Variants in MYO3A observed in about 807,000 individuals in gnomAD.
The protein encoded by MYO3A is myosin-IIIa.
MYO3A carries 180 observed loss-of-function variants against 192.7 expected under a neutral mutation model. The observed-to-expected ratio is 0.93, with a 90% CI of 0.83 to 1.06. The LOEUF (loss-of-function observed/expected upper bound fraction) is 1.06, where lower values mean the gene tolerates loss of function less well. Among genes scored for constraint, MYO3A ranks in the 50% least tolerant of loss-of-function variants. MYO3A has a pLI of 0.00. For missense variants in MYO3A, 1,896 were observed against 1,905.0 expected, an observed-to-expected ratio of 1.00 and a Z score of 0.09; for synonymous variants, 628 against 645.3, an observed-to-expected ratio of 0.97 and a Z score of 0.41.
chr10:26,101,023 G>A (rs987013587), intron 17 of MYO3A, among the ~76,000 whole-genome samples: 5 of 152,112 alleles, frequency 3.3e-5, no homozygotes, highest in Non-Finnish European at 7.4e-5. Context: ...ATTAATGTGT[G>A]GGAGTCTACG....
intron 27 of MYO3A, among the ~76,000 whole-genome samples, chr10:26,167,816 G>C (rs1208434209): frequency 6.6e-6 from 1 of 152,132 alleles, no homozygotes; most frequent in East Asian, 1.9e-4. Context: ...TTAAGTAATG[G>C]AACACTGAGA....
chr10:25,976,474 A>G (rs1248661867), intron 4 of MYO3A, among the ~76,000 whole-genome samples: 1 of 152,208 alleles, frequency 6.6e-6, no homozygotes, highest in Non-Finnish European at 1.5e-5. Context: ...GAAATTAGCA[A>G]TCATTTTTCA....
intron 6 of MYO3A, among the ~76,000 whole-genome samples, chr10:26,016,233 C>T (rs983832012): frequency 1.1e-4 from 16 of 152,174 alleles, no homozygotes; most frequent in Non-Finnish European, 1.9e-4. Flanking sequence ...TCTGTAATCT[C>T]TCTAAAGGAA....
At chr10:25,980,073 A>G (rs916635810) in intron 4 of MYO3A, among the ~76,000 whole-genome samples, 13 of 151,938 alleles carry the variant, frequency 8.6e-5, no homozygotes, top group South Asian at 2.1e-4. Context: ...CTTCTGTACT[A>G]AAAAATACAA....
chr10:26,166,146 G>T lies in MYO3A; in HGVS notation c.3079G>T (p.Gly1027Cys). The change falls in exon 27 of 35, where the codon GGT becomes TGT. Residue 1027 changes from glycine (G) to cysteine (C), a missense_variant. Coordinates refer to ENST00000642920, the MANE Select transcript of MYO3A (RefSeq NM_017433.5). ...DTCATILEKA[G>C]LDNWALGKTK... Reference sequence around the variant, plus strand: ...CTGTGCCACCATTTTGGAAAAAGCTGGTCTCGATAACTGGGCTCTTGGAAA... The same window carrying T: ...CTGTGCCACCATTTTGGAAAAAGCTTGTCTCGATAACTGGGCTCTTGGAAA... The T allele has an allele frequency of 6.2e-7, 1 of 1,613,980 alleles. No individual in the cohort carries two copies. The highest frequency in any genetic ancestry group is 1.7e-4 in the Middle Eastern group (1 of 5,916).
chr10:26,158,509 C>G (rs907346311), intron 26 of MYO3A, among the ~76,000 whole-genome samples: 4 of 152,070 alleles, frequency 2.6e-5, no homozygotes, highest in African/African-American at 9.7e-5. Context: ...CCCGTCTTGG[C>G]CTCCCAAAGT....
rs555541168 is a variant in MYO3A, at chr10:26,091,844, A to G, written c.1562+3439A>G. Among the ~76,000 whole-genome samples, 62 of 152,326 alleles carry G rather than the reference A, an allele frequency of 4.1e-4. 1 individual carries two copies. The highest frequency in any genetic ancestry group is 1.3e-3 in the African/African-American group (52 of 41,582). On this transcript the variant is annotated intron_variant, in intron 15 of 34. Transcript: ENST00000642920. ...TGTCTGACTCCCAAGCCCACCATTC[A>G]TGCATCCATCCAGCCATCCGTCTAT... is the stretch of plus-strand genomic sequence containing the variant.
At chr10:26,060,772 GA>G (rs1834416777) in intron 10 of MYO3A, among the ~76,000 whole-genome samples, 1 of 152,094 alleles carries the variant, frequency 6.6e-6, no homozygotes, top group Non-Finnish European at 1.5e-5. Context: ...AAGGTAGATG[GA>G]CTTACTCATT....
intron 7 of MYO3A, among the ~76,000 whole-genome samples, chr10:26,018,273 A>G (rs973631970): frequency 6.6e-6 from 1 of 151,966 alleles, no homozygotes. Context: ...TCAAGCTGTC[A>G]TGGAAATACA....
rs10508715 is a variant in MYO3A at position 26,211,729 on chromosome 10, A to G, written c.4731-114A>G. 0.18 allele frequency: 278,142 copies of G among 1,515,662 alleles called. 27,060 individuals carry two copies. Among genetic ancestry groups the G allele is most frequent in the East Asian group, 0.36 (15,409 of 43,338 alleles). 93.9% of individuals were successfully genotyped at this position (1,515,662 alleles called of 1,614,324 possible). A position where few individuals can be genotyped will look rare whatever the true frequency, so the allele number is the denominator to read the frequency against. ...GTCGTTTCGATTGTGCCTTTCCTAA[A>G]TGTCCGCGGTTGGCAGAACGTGGGA... On this transcript the variant is annotated intron_variant, in intron 34 of 34. Coordinates refer to ENST00000642920, the MANE Select transcript of MYO3A (RefSeq NM_017433.5).
Position 26,201,246 on chromosome 10 carries a change from G to T in MYO3A, c.4546-19G>T, listed in dbSNP as rs762046522. 11 of 1,460,134 alleles carry T rather than the reference G, an allele frequency of 7.5e-6. No individual in the cohort carries two copies. Among genetic ancestry groups the T allele is most frequent in the Admixed American group, 1.9e-5 (1 of 53,346 alleles). The allele number at this position is 1,460,134 out of a possible 1,614,324, so 90.4% of individuals were successfully genotyped here. ...GATCATAATATTATATAGATCTTTT[G>T]AATTCTTCTTTCCTTTAGAAGTCAA... On this transcript the variant is annotated intron_variant, in intron 32 of 34. Coordinates refer to ENST00000642920, the MANE Select transcript of MYO3A (RefSeq NM_017433.5).
chr10:25,937,394 T>C (rs1047669159), intron 2 of MYO3A, among the ~76,000 whole-genome samples: 3 of 152,236 alleles, frequency 2.0e-5, no homozygotes, highest in African/African-American at 7.2e-5. Flanking sequence ...CGGTTAATTA[T>C]ATGGCTCACA....
intron 10 of MYO3A, among the ~76,000 whole-genome samples, chr10:26,054,010 C>T (rs891808609): frequency 1.3e-5 from 2 of 151,904 alleles, no homozygotes; most frequent in Non-Finnish European, 2.9e-5. Context: ...CAGGAGTGAG[C>T]CAGGTGTTAG....
intron 28 of MYO3A, 54 bp downstream of exon 28, chr10:26,168,928 T>A: frequency 6.5e-7 from 1 of 1,530,394 alleles, no homozygotes; most frequent in Non-Finnish European, 9.0e-7. Flanking sequence ...TTATAATACT[T>A]CTTACAGGCA....
At chr10:25,993,483 T>C (rs944342060) in intron 4 of MYO3A, among the ~76,000 whole-genome samples, 2 of 152,210 alleles carry the variant, frequency 1.3e-5, no homozygotes, top group African/African-American at 4.8e-5. Flanking sequence ...TCATTGACTT[T>C]TTGAAGGGTT....
intron 23 of MYO3A, among the ~76,000 whole-genome samples, chr10:26,147,807 C>T (rs1840563692): frequency 6.6e-6 from 1 of 152,160 alleles, no homozygotes. Flanking sequence ...GGTATCCTAG[C>T]TACTCACTAC....
At chr10:26,205,394 A>C (rs1477228974) in intron 34 of MYO3A, among the ~76,000 whole-genome samples, 1 of 146,346 alleles carries the variant, frequency 6.8e-6, no homozygotes, top group African/African-American at 2.6e-5. Flanking sequence ...CCTTTGACTG[A>C]TCTCTCTCCC....
chr10:26,002,632 G>GGAATGAGTCAGGGTGGACCAGATAATCA, intron 6 of MYO3A, among the ~76,000 whole-genome samples: 17 of 150,534 alleles, frequency 1.1e-4, no homozygotes, highest in African/African-American at 4.2e-4. Context: ...CCAGGTAATC[G>GGAATGAGTCAGGGTGGACCAGATAATCA]GAATGAGTCA....
chr10:26,066,865 G>A lies in MYO3A; in HGVS notation c.954-110G>A, dbSNP rs1834878253. ...GGCTATTTTCTGGTATCTTATCATTGAATTTAATAAACAGATTCCTAGAGG... is the reference window on the plus strand; with the variant it reads ...GGCTATTTTCTGGTATCTTATCATTAAATTTAATAAACAGATTCCTAGAGG... On this transcript the variant is annotated intron_variant, in intron 10 of 34. Coordinates refer to ENST00000642920, the MANE Select transcript of MYO3A (RefSeq NM_017433.5). The A allele has an allele frequency of 1.8e-5, 13 of 727,458 alleles. No individual in the cohort carries two copies. The East Asian group carries it at 3.5e-4, about 19-fold the overall frequency. The allele number at this position is 727,458 out of a possible 1,614,324, so 45.1% of individuals were successfully genotyped here.
Sources: allele counts gnomAD v4.1 joint callset (sites outside exome capture counted in the v4.1 genomes callset), GRCh38; gene constraint gnomAD v4.1.1; transcripts MANE v1.5; gene names NCBI Gene and HGNC (gene_info 2026-07-23, HGNC 2026-07-21).